SLC6A6: variants seen among roughly 807,000 people sequenced by gnomAD.
SLC6A6 encodes the protein solute carrier family 6 member 6, also known as sodium- and chloride-dependent taurine transporter.
Under a neutral mutation model 68.8 loss-of-function variants are expected in SLC6A6, and 16 were observed. The ratio of observed to expected loss-of-function variants is 0.23; its 90% CI spans 0.16 to 0.35. SLC6A6 has a LOEUF of 0.35. Ranked by LOEUF, SLC6A6 falls within the 10% of genes least tolerant of loss-of-function variation. SLC6A6 has a pLI of 1.00. For missense variants in SLC6A6, 474 were observed against 802.8 expected (o/e 0.59, Z 4.95); for synonymous variants, 312 against 315.4 (o/e 0.99, Z 0.12).
chr3:14,414,310 A>G (rs1305913023), intron 1 of SLC6A6, among the ~76,000 whole-genome samples: 1 of 152,186 alleles, frequency 6.6e-6, no homozygotes, highest in African/African-American at 2.4e-5. Context: ...CAGGCTGGTC[A>G]AGTGCCTATC....
chr3:14,478,864 T>C (rs544531804), intron 12 of SLC6A6: 2 of 594,422 alleles, frequency 3.4e-6, no homozygotes, highest in East Asian at 5.6e-5. Context: ...TGCCTAAGAT[T>C]GCACACCTAG....
intron 14 of SLC6A6, among the ~76,000 whole-genome samples, chr3:14,484,178 G>C (rs1010649755): frequency 1.3e-5 from 2 of 152,172 alleles, no homozygotes; most frequent in Non-Finnish European, 2.9e-5. Flanking sequence ...GATTTTCTGG[G>C]TATCCTTGGA....
intron 9 of SLC6A6, among the ~76,000 whole-genome samples, chr3:14,469,947 G>A (rs1700713970): frequency 6.6e-6 from 1 of 152,192 alleles, no homozygotes; most frequent in Non-Finnish European, 1.5e-5. Flanking sequence ...GCAGGCCAGA[G>A]ACTGAGGACA....
chr3:14,472,071 C>T lies in SLC6A6; in HGVS notation c.1097-134C>T, dbSNP rs1013946856. 2 of 630,880 alleles carry T rather than the reference C, an allele frequency of 3.2e-6. No individual in the cohort carries two copies. Among genetic ancestry groups the T allele is most frequent in the African/African-American group, 1.8e-5 (1 of 54,334 alleles). The allele number at this position is 630,880 out of a possible 1,614,324, so 39.1% of individuals were successfully genotyped here. A position where few individuals can be genotyped will look rare whatever the true frequency, so the allele number is the denominator to read the frequency against. On this transcript the variant is annotated intron_variant, in intron 9 of 14. Coordinates refer to ENST00000622186, the MANE Select transcript of SLC6A6 (RefSeq NM_003043.6). This position sits in a 1 kb window ranked among gnomAD's most constrained non-coding sequence, Gnocchi z 4.5. ...AAGGCGAGACAGGCCTGGTCTCTTT[C>T]CCCAGGCCAGAGTTCAGACCTGGCT...
chr3:14,471,130 CTTTT>C (rs754511089), intron 9 of SLC6A6, among the ~76,000 whole-genome samples: 4 of 83,124 alleles, frequency 4.8e-5, no homozygotes, highest in Non-Finnish European at 9.0e-5. Context: ...TGCTTCTTGA[CTTTT>C]TTTTTTTTTT....
rs143340777 is a variant in SLC6A6, at chr3:14,485,406, C to G, written c.*399C>G. The G allele has an allele frequency of 1.5e-4, 24 of 156,082 alleles. No homozygotes were observed. In the East Asian group the frequency reaches 3.0e-3, roughly 20 times the overall value. The allele number at this position is 156,082 out of a possible 1,614,324, so 9.7% of individuals were successfully genotyped here. Reference sequence around the variant, plus strand: ...TGATCTTCTTGCCAGCAATAGATCTCATTTTCAAAAGCAATTCTTCGGTGC... The same window carrying G: ...TGATCTTCTTGCCAGCAATAGATCTGATTTTCAAAAGCAATTCTTCGGTGC... On this transcript the variant is annotated 3_prime_UTR_variant, in exon 15 of 15. Transcript: ENST00000622186.
chr3:14,468,059 ACTTG>A lies in SLC6A6; in HGVS notation c.972-26_972-23del. The A allele has an allele frequency of 6.2e-7, 1 of 1,614,040 alleles. No individual in the cohort carries two copies. Reference sequence around the variant, plus strand: ...CGTGGCTTCCTTGTGTTGTGAATTAACTTGCTCCCTGACATATGTGTAACTTAGG... The same window carrying A: ...CGTGGCTTCCTTGTGTTGTGAATTAACTCCCTGACATATGTGTAACTTAGG... On this transcript the variant is annotated intron_variant, in intron 8 of 14. Coordinates refer to ENST00000622186, the MANE Select transcript of SLC6A6 (RefSeq NM_003043.6). This position sits in a 1 kb window ranked among gnomAD's most constrained non-coding sequence, Gnocchi z 4.5.
chr3:14,443,021 A>G (rs1700027032), intron 2 of SLC6A6, among the ~76,000 whole-genome samples: 1 of 152,220 alleles, frequency 6.6e-6, no homozygotes, highest in African/African-American at 2.4e-5. Flanking sequence ...CTTGGATGGC[A>G]ACCCATCTCA....
rs1701191723 is a variant in SLC6A6 at position 14,487,213 on chromosome 3, A to G, written c.*2206A>G. The G allele has an allele frequency of 6.6e-6, 1 of 152,668 alleles. No individual in the cohort carries two copies. Among genetic ancestry groups the G allele is most frequent in the Non-Finnish European group, 1.5e-5 (1 of 68,052 alleles). The allele number at this position is 152,668 out of a possible 1,614,324, so 9.5% of individuals were successfully genotyped here. A position where few individuals can be genotyped will look rare whatever the true frequency, so the allele number is the denominator to read the frequency against. On this transcript the variant is annotated 3_prime_UTR_variant, in exon 15 of 15. Transcript: ENST00000622186. The stretch of plus-strand genomic sequence containing the variant: ...TGGTAGGCAAATTGCAACATTCTGG[A>G]CATGGCCTGAGGAAGGCCTCTTCTT...
At position 14,450,583 on chromosome 3, in the gene SLC6A6, T is replaced by C. The variant is rs1700231677; in HGVS notation, c.599+2767T>C. ...ACCACCTGAACATTCACAAATAAGC[T>C]GCCCTCTTTCTAGAACCCTGGGGAA... On this transcript the variant is annotated intron_variant, in intron 5 of 14. Coordinates refer to ENST00000622186, the MANE Select transcript of SLC6A6 (RefSeq NM_003043.6). The surrounding 1 kb of genome is among the most constrained non-coding windows in gnomAD (Gnocchi z 4.1). Among the ~76,000 whole-genome samples, 1 of 152,164 alleles carries C rather than the reference T, an allele frequency of 6.6e-6. No homozygotes were observed. Among genetic ancestry groups the C allele is most frequent in the Non-Finnish European group, 1.5e-5 (1 of 68,028 alleles).
intron 14 of SLC6A6, among the ~76,000 whole-genome samples, chr3:14,483,118 G>A (rs1202777512): frequency 6.6e-6 from 1 of 152,220 alleles, no homozygotes; most frequent in Non-Finnish European, 1.5e-5. Context: ...CTAACTTGGT[G>A]TCCTTCAAAG....
At chr3:14,409,959 G>A (rs1044826822) in intron 1 of SLC6A6, among the ~76,000 whole-genome samples, 21 of 152,144 alleles carry the variant, frequency 1.4e-4, no homozygotes, top group South Asian at 4.1e-4. Flanking sequence ...AGGCCCAGGC[G>A]GGCGGATCAC....
chr3:14,447,880 C>G (rs1203693543), intron 5 of SLC6A6, 64 bp downstream of exon 5: 1 of 1,587,238 alleles, frequency 6.3e-7, no homozygotes, highest in East Asian at 2.3e-5. Context: ...GGCCCACTTC[C>G]TTATCTCCTC....
At chr3:14,405,125 T>C (rs1364948913) in intron 1 of SLC6A6, among the ~76,000 whole-genome samples, 1 of 152,058 alleles carries the variant, frequency 6.6e-6, no homozygotes, top group East Asian at 1.9e-4. Flanking sequence ...TCCTCGGGAG[T>C]TGAAATTGAA....
At chr3:14,466,071 G>A (rs1700608419) in intron 6 of SLC6A6, among the ~76,000 whole-genome samples, 1 of 152,056 alleles carries the variant, frequency 6.6e-6, no homozygotes, top group South Asian at 2.1e-4. Flanking sequence ...AGACCAGCCT[G>A]GCCAACCTGG....
chr3:14,409,569 A>T (rs1699192648), intron 1 of SLC6A6, among the ~76,000 whole-genome samples: 1 of 152,258 alleles, frequency 6.6e-6, no homozygotes, highest in African/African-American at 2.4e-5. Context: ...GCAAACGTTC[A>T]TGAGTGCCTA....
intron 13 of SLC6A6, among the ~76,000 whole-genome samples, chr3:14,480,426 G>T (rs531088375): frequency 6.6e-6 from 1 of 152,236 alleles, no homozygotes; most frequent in East Asian, 1.9e-4. Flanking sequence ...TTCCCAGGTG[G>T]TGAGATGAGG....
intron 1 of SLC6A6, among the ~76,000 whole-genome samples, chr3:14,403,589 T>C (rs1042214828): frequency 2.0e-5 from 3 of 152,134 alleles, no homozygotes; most frequent in Non-Finnish European, 4.4e-5. Context: ...GTGCATGCAC[T>C]CCATAGGTGG....
intron 13 of SLC6A6, among the ~76,000 whole-genome samples, chr3:14,480,726 A>G (rs2124998533): frequency 6.6e-6 from 1 of 152,346 alleles, no homozygotes; most frequent in South Asian, 2.1e-4. Flanking sequence ...TTATGGAACA[A>G]TCAGAGGCCA....
Sources: allele counts gnomAD v4.1 joint callset (sites outside exome capture counted in the v4.1 genomes callset), GRCh38; gene constraint gnomAD v4.1.1; non-coding constraint Gnocchi (gnomAD v3.1); transcripts MANE v1.5; gene names NCBI Gene and HGNC (gene_info 2026-07-23, HGNC 2026-07-21).